The following MYOCD variants were observed in gnomAD, a reference collection of about 807,000 sequenced individuals.
MYOCD encodes myocardin.
In MYOCD, 32 loss-of-function variants were observed where a neutral mutation model predicts 96.1. That is an observed-to-expected ratio of 0.33 (90% confidence interval 0.25 to 0.45). The LOEUF is 0.45. Ranked by LOEUF, MYOCD falls within the 20% of genes least tolerant of loss-of-function variation. The probability of loss-of-function intolerance (pLI) is 1.00; values close to 1 mark genes in which losing one functional copy is unlikely to be tolerated. For missense variants in MYOCD, 1,133 were observed against 1,200.6 expected, an observed-to-expected ratio of 0.94 and a Z score of 0.83; for synonymous variants, 469 against 469.0, an observed-to-expected ratio of 1.00 and a Z score of 0.00.
At position 12,718,001 on chromosome 17, in the gene MYOCD, C is replaced by T. The variant is rs150445519; in HGVS notation, c.253+580C>T. ...ATGCAGGAGGAGTGGCTTCTACTCC[C>T]GCCTCATAAGTTGCCTTCCCTGAGA... On this transcript the variant is annotated intron_variant, in intron 4 of 13. Transcript: ENST00000425538. 6.4e-4 allele frequency among the ~76,000 whole-genome samples: 97 copies of T among 152,226 alleles called. 1 individual carries two copies. The highest frequency in any genetic ancestry group is 7.9e-4 in the Non-Finnish European group (54 of 68,010).
intron 1 of MYOCD, among the ~76,000 whole-genome samples, chr17:12,667,776 A>C (rs1009652310): frequency 6.6e-6 from 1 of 152,180 alleles, no homozygotes; most frequent in African/African-American, 2.4e-5. Flanking sequence ...CCCAACTTCC[A>C]TCTCAGTGGA....
intron 1 of MYOCD, among the ~76,000 whole-genome samples, chr17:12,695,111 T>C (rs2030682669): frequency 6.6e-6 from 1 of 152,132 alleles, no homozygotes; most frequent in Non-Finnish European, 1.5e-5. Flanking sequence ...TTAGAGATGA[T>C]CTTAGTCCAT....
At chr17:12,705,554 C>T in intron 2 of MYOCD, 1 of 169,622 alleles carries the variant, frequency 5.9e-6, no homozygotes, top group Middle Eastern at 2.7e-3. Context: ...TCCTGAATTT[C>T]AGTTCTGTTT....
chr17:12,730,683 T>C (rs761580791), intron 5 of MYOCD, among the ~76,000 whole-genome samples: 3 of 152,204 alleles, frequency 2.0e-5, no homozygotes, highest in African/African-American at 4.8e-5. Context: ...TATAGCTACC[T>C]TTCTGTGTAC....
rs981843730 is a variant in MYOCD, at chr17:12,666,010, G to C, written c.-179G>C. The stretch of plus-strand genomic sequence containing the variant: ...AGTTAATTAGCCCCGCACGGCGAGG[G>C]GGGAGGCGCCAGTTTTCTGGGGACA... On this transcript the variant is annotated 5_prime_UTR_variant, in exon 1 of 14. Transcript: ENST00000425538. 3 of 552,536 alleles carry C rather than the reference G, an allele frequency of 5.4e-6. No individual in the cohort carries two copies. The African/African-American group carries it at 5.8e-5, about 11-fold the overall frequency. The allele number at this position is 552,536 out of a possible 1,614,324, so 34.2% of individuals were successfully genotyped here.
At chr17:12,715,993 C>G (rs1019396776) in intron 3 of MYOCD, among the ~76,000 whole-genome samples, 2 of 152,262 alleles carry the variant, frequency 1.3e-5, no homozygotes, top group South Asian at 4.2e-4. Context: ...TCATTTGTAG[C>G]TACTTAAAGG....
In MYOCD at chr17:12,752,658, C is replaced by T. The variant is rs933064502; in HGVS notation, c.1370C>T (p.Pro457Leu). ...TTTGGCAGCACCAGCTCCAGCCCCC[C>T]GATCTCCCCAGCCTCCTCTGACCTG... Reference protein sequence around the residue: ...YHFGSTSSSPPISPASSDLSV... With the variant: ...YHFGSTSSSPLISPASSDLSV... The change falls in exon 10 of 14, where the codon CCG becomes CTG. Residue 457 changes from proline to leucine, a missense_variant. Physicochemically the swap from Pro to Leu is moderately conservative, Grantham distance 98. Transcript: ENST00000425538. The T allele has an allele frequency of 4.3e-6, 7 of 1,613,904 alleles. No individual in the cohort carries two copies. The highest frequency in any genetic ancestry group is 5.1e-6 in the Non-Finnish European group (6 of 1,179,946).
intron 4 of MYOCD, 91 bp downstream of exon 4, chr17:12,717,512 C>T (rs1211332351): frequency 2.3e-5 from 24 of 1,058,406 alleles, no homozygotes; most frequent in Non-Finnish European, 3.1e-5. Context: ...TTGCTAAGCC[C>T]TCTTAAAAAT....
intron 9 of MYOCD, among the ~76,000 whole-genome samples, chr17:12,750,750 G>A (rs2032830006): frequency 3.3e-5 from 5 of 152,024 alleles, no homozygotes; most frequent in Admixed American, 3.3e-4. Context: ...TTATTCATTT[G>A]CCAACTTAAT....
chr17:12,710,627 A>G (rs1034052549), intron 2 of MYOCD: 7 of 396,472 alleles, frequency 1.8e-5, no homozygotes, highest in Non-Finnish European at 2.4e-5. Flanking sequence ...GCTTCACGAT[A>G]GTTTTGAGAA....
intron 1 of MYOCD, among the ~76,000 whole-genome samples, chr17:12,694,477 G>A (rs1484935221): frequency 1.3e-5 from 2 of 152,146 alleles, no homozygotes; most frequent in African/African-American, 4.8e-5. Context: ...ACCCAGGGAC[G>A]AATTCCACTG....
At position 12,666,183 on chromosome 17, in the gene MYOCD, C is replaced by T. The variant is rs1646527667; in HGVS notation, c.-6C>T. The stretch of plus-strand genomic sequence containing the variant: ...CCAAGGGACCAGCGGCTTGCTGAGA[C>T]TCAACATGACACTCCTGGGGTCTGA... On this transcript the variant is annotated 5_prime_UTR_variant, in exon 1 of 14. Transcript: ENST00000425538. The T allele has an allele frequency of 1.2e-6, 2 of 1,613,148 alleles. No homozygotes were observed. Among genetic ancestry groups the T allele is most frequent in the African/African-American group, 1.3e-5 (1 of 75,064 alleles).
chr17:12,691,229 T>C (rs1216452642), intron 1 of MYOCD, among the ~76,000 whole-genome samples: 1 of 152,194 alleles, frequency 6.6e-6, no homozygotes, highest in Non-Finnish European at 1.5e-5. Context: ...TTCCTAAAAA[T>C]GTCATCTTTG....
At chr17:12,688,578 GTCCCTCCTTCCTTCCATCTCCTTC>G (rs2030266806) in intron 1 of MYOCD, among the ~76,000 whole-genome samples, 1 of 89,468 alleles carries the variant, frequency 1.1e-5, no homozygotes, top group African/African-American at 5.3e-5. Context: ...TTCCATCTCC[GTCCCTCCTTCCTTCCATCTCCTTC>G]CTTCCTTCCC....
chr17:12,723,095 A>G (rs1043838706), intron 5 of MYOCD, 87 bp downstream of exon 5: 2 of 1,310,332 alleles, frequency 1.5e-6, no homozygotes, highest in Non-Finnish European at 1.1e-6. Flanking sequence ...ATCTTTGGGG[A>G]TGAGGGCCTC....
At chr17:12,712,198 G>T (rs187592744) in intron 2 of MYOCD, among the ~76,000 whole-genome samples, 20 of 152,256 alleles carry the variant, frequency 1.3e-4, no homozygotes, top group Non-Finnish European at 2.9e-5. Context: ...AATTGCTGAA[G>T]ATGCTGGTCC....
At chr17:12,727,131 C>T (rs546937955) in intron 5 of MYOCD, among the ~76,000 whole-genome samples, 2 of 152,090 alleles carry the variant, frequency 1.3e-5, no homozygotes, top group East Asian at 1.9e-4. Context: ...GAGGCTCCCA[C>T]GCAGTAGTGT....
In MYOCD at chr17:12,696,008, A is replaced by G. The variant is rs375137008; in HGVS notation, c.56-9120A>G. Among the ~76,000 whole-genome samples the G allele has an allele frequency of 2.8e-3, 429 of 152,246 alleles. 3 individuals are homozygous for G. Among genetic ancestry groups the G allele is most frequent in the African/African-American group, 9.7e-3 (405 of 41,554 alleles). ...CTTCAAGTTTCATCCATGTCGTAGC[A>G]TGTCAGAATTTCCTTCCTTTTAAGG... On this transcript the variant is annotated intron_variant, in intron 1 of 13. Transcript: ENST00000425538.
At chr17:12,737,433 C>T (rs2032379658) in intron 6 of MYOCD, among the ~76,000 whole-genome samples, 1 of 152,166 alleles carries the variant, frequency 6.6e-6, no homozygotes, top group South Asian at 2.1e-4. Context: ...GGAACTAAAG[C>T]TCTGTGAGGC....
Sources: gnomAD v4.1 joint callset for allele counts (sites outside exome capture counted in the v4.1 genomes callset) on GRCh38, gnomAD v4.1.1 for gene constraint, MANE v1.5 for transcripts, NCBI Gene and HGNC (gene_info 2026-07-23, HGNC 2026-07-21) for gene names.